Variants in TDRD9 observed in about 807,000 individuals in gnomAD.
TDRD9 encodes ATP-dependent RNA helicase TDRD9.
TDRD9 carries 124 observed loss-of-function variants against 172.6 expected under a neutral mutation model. The observed-to-expected ratio is 0.72, with a 90% CI of 0.62 to 0.83. TDRD9 has a LOEUF of 0.83. Ranked by LOEUF, TDRD9 falls within the 40% of genes least tolerant of loss-of-function variation. TDRD9 has a pLI of 0.00. For synonymous variants in TDRD9, 619 were observed against 617.1 expected (o/e 1.00, Z -0.05); for missense variants, 1,479 against 1,714.1 (o/e 0.86, Z 2.42).
chr14:103,994,363 T>A lies in TDRD9; in HGVS notation c.1212T>A (p.Leu404=), dbSNP rs775541599. The A allele has an allele frequency of 3.1e-6, 5 of 1,613,658 alleles. No individual in the cohort carries two copies. The highest frequency in any genetic ancestry group is 4.2e-6 in the Non-Finnish European group (5 of 1,179,740). Residue 404 remains leucine, a synonymous_variant, in exon 10 of 36, where the codon CTT becomes CTA. Transcript: ENST00000409874. ...GLGEINYMHE[L]LTSLVHKRLQ... ...GTGAAATAAATTATATGCATGAACT[T>A]CTCACAAGCCTGGTTCATAAAAGGT...
chr14:103,952,218 ATATTTTTTT>A (rs2031952098), intron 1 of TDRD9, among the ~76,000 whole-genome samples: 1 of 44,094 alleles, frequency 2.3e-5, no homozygotes, highest in Non-Finnish European at 3.7e-5. Flanking sequence ...ATATATATAT[ATATTTTTTT>A]TTTTTTTTTT....
Position 104,025,663 on chromosome 14 carries a change from C to A in TDRD9, c.2818C>A (p.Pro940Thr), listed in dbSNP as rs772950252. The change falls in exon 26 of 36, where the codon CCC (proline) becomes ACC (threonine). Residue 940 changes from proline (P) to threonine (T), a missense_variant. Pro to Thr is a conservative substitution (Grantham distance 38, BLOSUM62 -1). Around this residue, in one of 3 missense-constraint regions of TDRD9, gnomAD observed 1,413 missense variants for 1,649.1 expected, o/e 0.86. Coordinates refer to ENST00000409874, the MANE Select transcript of TDRD9 (RefSeq NM_153046.3). ...TGAAATCAACCAACTGACGCTGGTG[C>A]CCTTGCCCACTCACCCACATCCAGA... ...TAEINQLTLV[P>T]LPTHPHPDLV... 2 of 1,613,958 alleles carry A rather than the reference C, an allele frequency of 1.2e-6. No homozygotes were observed. The highest frequency in any genetic ancestry group is 2.2e-5 in the East Asian group (1 of 44,886).
At chr14:103,998,918 G>A (rs577396175) in intron 13 of TDRD9, among the ~76,000 whole-genome samples, 190 bp downstream of exon 13, 3 of 151,922 alleles carry the variant, frequency 2.0e-5, no homozygotes, top group East Asian at 1.9e-4. Context: ...TCAGCCTCCC[G>A]AGTTGCTGGG....
chr14:103,929,656 G>A (rs2030238731), intron 1 of TDRD9, among the ~76,000 whole-genome samples: 1 of 151,884 alleles, frequency 6.6e-6, no homozygotes, highest in Admixed American at 6.6e-5. Context: ...AGTAGCTGAG[G>A]CTACAGGCAT....
At chr14:103,994,045 A>G (rs970725711) in intron 9 of TDRD9, among the ~76,000 whole-genome samples, 3 of 152,226 alleles carry the variant, frequency 2.0e-5, no homozygotes, top group Admixed American at 2.0e-4. Flanking sequence ...TCTGGGGGTA[A>G]AAAAGGAATA....
intron 9 of TDRD9, among the ~76,000 whole-genome samples, chr14:103,991,892 G>T (rs113023237): frequency 0.016 from 2,381 of 152,138 alleles, 29 homozygotes; most frequent in Non-Finnish European, 0.028. Flanking sequence ...GAAGTAGCTG[G>T]GATTACAGAC....
At position 104,031,184 on chromosome 14, in the gene TDRD9, TGAAAGACGACGA is replaced by T; in HGVS notation, c.3364_3375del (p.Asp1122_Lys1125del). On this transcript the variant is annotated inframe_deletion, in exon 29 of 36. Coordinates refer to ENST00000409874, the MANE Select transcript of TDRD9 (RefSeq NM_153046.3). ...ACAGATGGCTCTGTGCCCTTTCCCA[TGAAAGACGACGA>T]GAAATATCTCATCCGGATTTTGTTA... 1 of 1,551,790 alleles carries T rather than the reference TGAAAGACGACGA, an allele frequency of 6.4e-7. No homozygotes were observed. Among genetic ancestry groups the T allele is most frequent in the Non-Finnish European group, 8.7e-7 (1 of 1,146,986 alleles).
chr14:104,044,477 C>G (rs1179728584), intron 34 of TDRD9, among the ~76,000 whole-genome samples: 1 of 152,162 alleles, frequency 6.6e-6, no homozygotes, highest in Non-Finnish European at 1.5e-5. Context: ...CAGTCTTGTT[C>G]CCACCCCAGC....
intron 1 of TDRD9, among the ~76,000 whole-genome samples, chr14:103,930,843 T>C (rs879347823): frequency 6.6e-6 from 1 of 152,210 alleles, no homozygotes; most frequent in Non-Finnish European, 1.5e-5. Context: ...TTATTGACCT[T>C]GTCAGAAAGT....
intron 1 of TDRD9, among the ~76,000 whole-genome samples, chr14:103,950,090 CTT>C (rs58379140): frequency 1.8e-4 from 19 of 108,426 alleles, no homozygotes; most frequent in Admixed American, 3.5e-4. Flanking sequence ...TCCTTCCTTC[CTT>C]TTTTTTTTTT....
In TDRD9 at chr14:104,037,337, G is replaced by T. The variant is rs1424539852; in HGVS notation, c.3716+2281G>T. Reference sequence around the variant, plus strand: ...ACCTCTCTAATGCGCACCCGCATGGGACTCGTCTCCTGTTCGGGTGGCGTC... The same window carrying T: ...ACCTCTCTAATGCGCACCCGCATGGTACTCGTCTCCTGTTCGGGTGGCGTC... On this transcript the variant is annotated intron_variant, in intron 32 of 35. Coordinates refer to ENST00000409874, the MANE Select transcript of TDRD9 (RefSeq NM_153046.3). Among the ~76,000 whole-genome samples the T allele has an allele frequency of 3.9e-5, 6 of 152,190 alleles. No homozygotes were observed. In the East Asian group the frequency reaches 1.2e-3, roughly 29 times the overall value.
chr14:103,963,209 G>T, intron 3 of TDRD9, 33 bp downstream of exon 3: 1 of 1,439,872 alleles, frequency 6.9e-7, no homozygotes. Flanking sequence ...TAATTTTGCT[G>T]TTTGAATACA....
chr14:103,961,379 A>G (rs891745882), intron 2 of TDRD9, among the ~76,000 whole-genome samples: 11 of 152,100 alleles, frequency 7.2e-5, no homozygotes, highest in Non-Finnish European at 1.6e-4. Flanking sequence ...CCTGACCAAC[A>G]TGGTGAAACC....
intron 23 of TDRD9, 111 bp from the exon 24 acceptor site, chr14:104,022,046 C>T (rs2034970949): frequency 2.6e-6 from 2 of 762,114 alleles, no homozygotes; most frequent in Non-Finnish European, 4.3e-6. Context: ...TGAAGAGTTA[C>T]TGGCATTTTG....
At chr14:103,982,657 G>A (rs2152182145) in intron 7 of TDRD9, among the ~76,000 whole-genome samples, 1 of 152,316 alleles carries the variant, frequency 6.6e-6, no homozygotes, top group Non-Finnish European at 1.5e-5. Context: ...TGTAATCCCA[G>A]CACTTTGGGA....
intron 28 of TDRD9, among the ~76,000 whole-genome samples, chr14:104,029,658 C>G (rs907548858): frequency 2.6e-5 from 4 of 152,024 alleles, no homozygotes; most frequent in African/African-American, 9.7e-5. Flanking sequence ...ATTTGGATGC[C>G]CTTTCTTTCT....
intron 1 of TDRD9, chr14:103,941,349 C>T (rs2031218613): frequency 7.3e-7 from 1 of 1,360,638 alleles, no homozygotes; most frequent in African/African-American, 1.5e-5. Flanking sequence ...ATATGAGGAA[C>T]TTGGACTTAG....
chr14:103,946,228 C>A (rs538908272), intron 1 of TDRD9, among the ~76,000 whole-genome samples: 1 of 152,264 alleles, frequency 6.6e-6, no homozygotes, highest in Middle Eastern at 3.4e-3. Flanking sequence ...CCTCAGCCTC[C>A]CAGTGTGCTG....
intron 5 of TDRD9, among the ~76,000 whole-genome samples, chr14:103,967,347 C>CAAAAAAAA (rs11444885): frequency 3.4e-4 from 17 of 49,748 alleles, no homozygotes; most frequent in East Asian, 1.2e-3. Context: ...ACTAAAAATA[C>CAAAAAAAA]AAAAAAAAAA....
Sources: gnomAD v4.1 joint callset for allele counts (sites outside exome capture counted in the v4.1 genomes callset) on GRCh38, gnomAD v4.1.1 for gene constraint, gnomAD v4.1.1 regional missense constraint, MANE v1.5 for transcripts, NCBI Gene and HGNC (gene_info 2026-07-23, HGNC 2026-07-21) for gene names.